The following MIA3 variants were observed in gnomAD, a reference collection of about 807,000 sequenced individuals.
The protein encoded by MIA3 is transport and Golgi organization protein 1 homolog.
Under a neutral mutation model 192.4 loss-of-function variants are expected in MIA3, and 90 were observed. That is an observed-to-expected ratio of 0.47 (90% CI 0.39 to 0.56). MIA3 has a LOEUF of 0.56. Among genes scored for constraint, MIA3 ranks in the 20% least tolerant of loss-of-function variants. MIA3 has a pLI of 0.00. For synonymous variants in MIA3, 740 were observed against 792.8 expected, an observed-to-expected ratio of 0.93 and a Z score of 1.12; for missense variants, 2,123 against 2,269.4, an observed-to-expected ratio of 0.94 and a Z score of 1.31.
chr1:222,646,413 CAAAAA>C (rs370502614), intron 7 of MIA3, among the ~76,000 whole-genome samples: 1 of 85,372 alleles, frequency 1.2e-5, no homozygotes. Context: ...GACTCCATCT[CAAAAA>C]AAAAAAAAAA....
chr1:222,622,914 A>T (rs1434503254), intron 2 of MIA3, among the ~76,000 whole-genome samples: 1 of 152,100 alleles, frequency 6.6e-6, no homozygotes, highest in African/African-American at 2.4e-5. Context: ...GCCAGAAGGG[A>T]TCTTTGCTGC....
At position 222,622,018 on chromosome 1, in the gene MIA3, T is replaced by C. The variant is rs958891783; in HGVS notation, c.267+726T>C. ...AGAGACGGGGTTTCACTGTGTTAGC[T>C]AGGTCTCGATCTCCTGACCTTGTGA... On this transcript the variant is annotated intron_variant, in intron 2 of 27. Transcript: ENST00000344922. Among the ~76,000 whole-genome samples the C allele has an allele frequency of 3.4e-4, 51 of 152,214 alleles. 1 individual carries two copies. The highest frequency in any genetic ancestry group is 9.2e-4 in the Admixed American group (14 of 15,294).
At chr1:222,643,494 T>C (rs1662956735) in intron 6 of MIA3, among the ~76,000 whole-genome samples, 1 of 152,210 alleles carries the variant, frequency 6.6e-6, no homozygotes, top group Admixed American at 6.5e-5. Flanking sequence ...ATTGTTCCTC[T>C]GAGTTGACTT....
Position 222,629,290 on chromosome 1 carries a change from G to GT in MIA3, c.2076dup (p.His693SerfsTer17). 1 of 1,614,202 alleles carries GT rather than the reference G, an allele frequency of 6.2e-7. No individual in the cohort carries two copies. Among genetic ancestry groups the GT allele is most frequent in the Non-Finnish European group, 8.5e-7 (1 of 1,180,044 alleles). On this transcript the variant is annotated frameshift_variant, in exon 4 of 28. Transcript: ENST00000344922. LOFTEE classifies it high-confidence loss of function. ...CCAAAGAGGACTCCTTGGATGAAGA[G>GT]TTTTTTCATCACAAGGCAATGCAGG...
At chr1:222,621,058 T>C in intron 1 of MIA3, 101 bp from the exon 2 acceptor site, 1 of 1,016,868 alleles carries the variant, frequency 9.8e-7, no homozygotes, top group Non-Finnish European at 1.4e-6. Flanking sequence ...AACTTGGTTG[T>C]TGTTTATAGT....
rs770700244 is a variant in MIA3, at chr1:222,661,905, C to T, written c.5114-151C>T. On this transcript the variant is annotated intron_variant, in intron 24 of 27. Transcript: ENST00000344922. The stretch of plus-strand genomic sequence containing the variant: ...AGTTCTTATTTTAATTCTTTAAGTC[C>T]GTGCATAAATTGTAAGTGATTTCCC... 236 of 617,348 alleles carry T rather than the reference C, an allele frequency of 3.8e-4. 1 individual carries two copies. The Middle Eastern group carries it at 7.4e-3, about 19-fold the overall frequency. 38.2% of individuals were successfully genotyped at this position (617,348 alleles called of 1,614,324 possible).
At chr1:222,660,627 T>C (rs1017387761) in intron 24 of MIA3, 1 of 201,424 alleles carries the variant, frequency 5.0e-6, no homozygotes, top group Non-Finnish European at 1.0e-5. Flanking sequence ...AACACAAGTT[T>C]GGTCTGTGCA....
intron 26 of MIA3, 119 bp downstream of exon 26, chr1:222,662,451 A>T (rs1234739909): frequency 3.9e-6 from 6 of 1,549,000 alleles, no homozygotes; most frequent in Admixed American, 3.9e-5. Context: ...TTTATTTTTT[A>T]AAAAAGCAAA....
chr1:222,664,609 G>A (rs1329426507), intron 27 of MIA3, among the ~76,000 whole-genome samples: 1 of 152,152 alleles, frequency 6.6e-6, no homozygotes, highest in Non-Finnish European at 1.5e-5. Context: ...ATACAAAGAA[G>A]GGAGATATGA....
intron 6 of MIA3, chr1:222,644,194 A>C (rs1663006842): frequency 1.1e-6 from 1 of 881,952 alleles, no homozygotes; most frequent in South Asian, 1.9e-5. Context: ...CTCTAGCCCT[A>C]TTCGCTCTTC....
intron 24 of MIA3, 66 bp downstream of exon 24, chr1:222,660,380 C>A: frequency 6.6e-7 from 1 of 1,505,430 alleles, no homozygotes; most frequent in South Asian, 1.3e-5. Flanking sequence ...TTTGAGAATT[C>A]TAATGCAAAC....
At chr1:222,641,748 C>A in intron 6 of MIA3, 1 of 559,396 alleles carries the variant, frequency 1.8e-6, no homozygotes, top group South Asian at 1.4e-5. Flanking sequence ...CATACTTGGT[C>A]TGTACCACTT....
intron 6 of MIA3, among the ~76,000 whole-genome samples, chr1:222,639,939 T>C (rs1347206926): frequency 6.6e-6 from 1 of 151,938 alleles, no homozygotes; most frequent in African/African-American, 2.4e-5. Flanking sequence ...AAAATTGTCT[T>C]TTTTTGCAGA....
chr1:222,662,544 G>A, intron 26 of MIA3: 1 of 1,336,416 alleles, frequency 7.5e-7, no homozygotes. Flanking sequence ...GTACTTAGAA[G>A]TGTGGACTGA....
chr1:222,662,494 C>T, intron 26 of MIA3, 162 bp downstream of exon 26: 5 of 1,444,680 alleles, frequency 3.5e-6, no homozygotes, highest in Middle Eastern at 2.4e-4. Flanking sequence ...CCCCTCAGTT[C>T]CCAGCATTAC....
intron 2 of MIA3, among the ~76,000 whole-genome samples, chr1:222,622,219 C>T (rs1398274708): frequency 6.6e-6 from 1 of 152,114 alleles, no homozygotes; most frequent in East Asian, 1.9e-4. Context: ...GGGTACCCTG[C>T]TATCAGACCT....
chr1:222,652,445 C>A, intron 13 of MIA3, 113 bp downstream of exon 13: 2 of 706,998 alleles, frequency 2.8e-6, no homozygotes, highest in Non-Finnish European at 4.9e-6. Flanking sequence ...GGATTCTGTT[C>A]TTAGATATGC....
intron 6 of MIA3, among the ~76,000 whole-genome samples, chr1:222,640,032 T>C (rs1305484688): frequency 3.3e-5 from 5 of 152,178 alleles, no homozygotes. Context: ...CTAAAAGCAA[T>C]TGTATTTATA....
At chr1:222,654,171 G>T (rs1250839966) in intron 15 of MIA3, 72 bp from the exon 16 acceptor site, 1 of 1,432,868 alleles carries the variant, frequency 7.0e-7, no homozygotes, top group South Asian at 1.2e-5. Flanking sequence ...TTAGTTTTGG[G>T]TAAATCAAGA....
Sources: gnomAD v4.1 joint callset for allele counts (sites outside exome capture counted in the v4.1 genomes callset) on GRCh38, gnomAD v4.1.1 for gene constraint, MANE v1.5 for transcripts, NCBI Gene and HGNC (gene_info 2026-07-23, HGNC 2026-07-21) for gene names.